TUBGCP4: variants seen among roughly 807,000 people sequenced by gnomAD.
TUBGCP4 encodes tubulin gamma complex component 4.
In TUBGCP4, 54 loss-of-function variants were observed where a neutral mutation model predicts 91.6. The ratio of observed to expected loss-of-function variants is 0.59; its 90% confidence interval spans 0.47 to 0.74. The LOEUF (loss-of-function observed/expected upper bound fraction) is 0.74. Among genes scored for constraint, TUBGCP4 ranks in the 30% least tolerant of loss-of-function variants. The pLI is 0.00. For synonymous variants in TUBGCP4, 297 were observed against 302.8 expected, an observed-to-expected ratio of 0.98 and a Z score of 0.20; for missense variants, 593 against 800.9, an observed-to-expected ratio of 0.74 and a Z score of 3.13.
chr15:43,394,055 A>G (rs1186086382), intron 9 of TUBGCP4: 3 of 149,866 alleles, frequency 2.0e-5, no homozygotes, highest in Non-Finnish European at 4.4e-5. Context: ...TCTTTAACAG[A>G]TATGTGACTT....
intron 9 of TUBGCP4, among the ~76,000 whole-genome samples, chr15:43,392,559 C>G (rs1595491876): frequency 1.3e-5 from 2 of 152,012 alleles, no homozygotes; most frequent in Admixed American, 6.6e-5. Context: ...AGTGCAGTGG[C>G]GTGATCTCGG....
Position 43,409,662 on chromosome 15 carries a change from A to C in TUBGCP4, c.*4448A>C, listed in dbSNP as rs1415885856. On this transcript the variant is annotated 3_prime_UTR_variant, in exon 18 of 18. Transcript: ENST00000564079. The stretch of plus-strand genomic sequence containing the variant: ...AACTCCTCACCTGGGCTTCATTGAA[A>C]TCTTCAAGGATATAGCCAGCTCCTG... 6.5e-7 allele frequency: 1 copy of C among 1,548,804 alleles called. No individual in the cohort carries two copies. Among genetic ancestry groups the C allele is most frequent in the Non-Finnish European group, 8.7e-7 (1 of 1,148,686 alleles).
intron 13 of TUBGCP4, chr15:43,399,165 C>T (rs1288403347): frequency 8.0e-7 from 1 of 1,245,486 alleles, no homozygotes; most frequent in South Asian, 1.3e-5. Context: ...GCAAGCCTAC[C>T]TACAAACAGG....
intron 6 of TUBGCP4, among the ~76,000 whole-genome samples, chr15:43,381,601 G>A (rs2044286363): frequency 2.0e-5 from 3 of 151,948 alleles, no homozygotes; most frequent in Non-Finnish European, 4.4e-5. Context: ...GCCAGGTGTG[G>A]TGCCTGCCTG....
chr15:43,380,028 G>A (rs182168197), intron 5 of TUBGCP4, 56 bp from the exon 6 acceptor site: 22 of 1,536,868 alleles, frequency 1.4e-5, no homozygotes, highest in Non-Finnish European at 2.0e-5. Flanking sequence ...ATAAGAATGT[G>A]TCTTGCATGG....
chr15:43,377,354 G>T (rs1284077905), intron 4 of TUBGCP4, among the ~76,000 whole-genome samples: 1 of 152,114 alleles, frequency 6.6e-6, no homozygotes, highest in African/African-American at 2.4e-5. Flanking sequence ...TGGGCATGGT[G>T]GTACACACCT....
At chr15:43,390,566 T>C (rs1475157535) in intron 9 of TUBGCP4, among the ~76,000 whole-genome samples, 2 of 150,812 alleles carry the variant, frequency 1.3e-5, no homozygotes, top group South Asian at 4.2e-4. Flanking sequence ...CTGGAGTGTA[T>C]TGATGCAATC....
At position 43,398,151 on chromosome 15, in the gene TUBGCP4, A is replaced by C; in HGVS notation, c.1390A>C (p.Ile464Leu). The C allele has an allele frequency of 1.9e-6, 3 of 1,613,582 alleles. No homozygotes were observed. Among genetic ancestry groups the C allele is most frequent in the Non-Finnish European group, 2.5e-6 (3 of 1,179,700 alleles). The change falls in exon 13 of 18, where the codon ATT (isoleucine) becomes CTT (leucine). Residue 464 changes from isoleucine (I) to leucine (L), a missense_variant. Transcript: ENST00000564079. ...CTACAAAGTACAGTGGCCACTACAT[A>C]TTCTCTTCACCCCAGCTGTCCTGGA... ...LSYKVQWPLH[I>L]LFTPAVLEKY... is the part of the protein sequence containing the mutation.
In TUBGCP4 at chr15:43,371,151, C is replaced by G. The variant is rs989196007; in HGVS notation, c.-204C>G. On this transcript the variant is annotated 5_prime_UTR_variant, in exon 1 of 18. Transcript: ENST00000564079. ...TAGCTGGTGGACCCCGTTGAGCTGC[C>G]GAACTTCCGGGACTCCCCCGCGACC... 10 of 616,468 alleles carry G rather than the reference C, an allele frequency of 1.6e-5. No homozygotes were observed. Among genetic ancestry groups the G allele is most frequent in the Non-Finnish European group, 2.9e-5 (10 of 344,830 alleles). 38.2% of individuals were successfully genotyped at this position (616,468 alleles called of 1,614,324 possible).
rs983909458 is a variant in TUBGCP4, at chr15:43,404,810, G to T, written c.1988+258G>T. On this transcript the variant is annotated intron_variant, in intron 17 of 17. Coordinates refer to ENST00000564079, the MANE Select transcript of TUBGCP4 (RefSeq NM_014444.5). ...TTGCTAGGTTATGTATTGCTATGCT[G>T]GGAGGCAGTGGGCCTTCCACTCCCA... 1.0e-5 allele frequency: 5 copies of T among 494,212 alleles called. No homozygotes were observed. The South Asian group carries it at 1.4e-4, about 14-fold the overall frequency. 30.6% of individuals were successfully genotyped at this position (494,212 alleles called of 1,614,324 possible).
chr15:43,380,081 C>T lies in TUBGCP4; in HGVS notation c.442-3C>T. Reference sequence around the variant, plus strand: ...CAGTTTGACAAGGCCGTATTTTCCACAGATTCATGGTTGTCAAATCCTGGA... The same window carrying T: ...CAGTTTGACAAGGCCGTATTTTCCATAGATTCATGGTTGTCAAATCCTGGA... On this transcript the variant is annotated splice_polypyrimidine_tract_variant and splice_region_variant and intron_variant, in intron 5 of 17. Transcript: ENST00000564079. 6.2e-7 allele frequency: 1 copy of T among 1,613,992 alleles called. No homozygotes were observed. Among genetic ancestry groups the T allele is most frequent in the Non-Finnish European group, 8.5e-7 (1 of 1,179,874 alleles).
intron 13 of TUBGCP4, chr15:43,398,382 T>TAAAAA: frequency 7.2e-6 from 2 of 276,620 alleles, no homozygotes; most frequent in South Asian, 1.3e-4. Context: ...CCCCATCTCA[T>TAAAAA]AAAAAAAAAA....
At chr15:43,373,698 G>GAC (rs377294711) in intron 1 of TUBGCP4, among the ~76,000 whole-genome samples, 1 of 150,866 alleles carries the variant, frequency 6.6e-6, no homozygotes, top group African/African-American at 2.4e-5. Flanking sequence ...GCCCAGGCTG[G>GAC]AGTGCAGTGG....
rs1046833070 is a variant in TUBGCP4 at position 43,377,715 on chromosome 15, G to C, written c.385-132G>C. On this transcript the variant is annotated intron_variant, in intron 4 of 17. Transcript: ENST00000564079. ...CCACATCAAATTGCCTTAGGATGCT[G>C]GATCTTGACTGTTCTGTGGTATTGC... is the stretch of plus-strand genomic sequence containing the variant. The C allele has an allele frequency of 8.5e-6, 6 of 705,512 alleles. No homozygotes were observed. The African/African-American group carries it at 1.1e-4, about 13-fold the overall frequency. The allele number at this position is 705,512 out of a possible 1,614,324, so 43.7% of individuals were successfully genotyped here.
intron 1 of TUBGCP4, among the ~76,000 whole-genome samples, chr15:43,374,725 C>A (rs2044177457): frequency 6.6e-6 from 1 of 152,140 alleles, no homozygotes; most frequent in South Asian, 2.1e-4. Flanking sequence ...CCCGTGTTCA[C>A]CAAGCATTAT....
chr15:43,403,556 T>G, intron 15 of TUBGCP4, 127 bp from the exon 16 acceptor site: 1 of 710,582 alleles, frequency 1.4e-6, no homozygotes. Flanking sequence ...TGGCAGTGTC[T>G]ATCCTGTCAG....
intron 2 of TUBGCP4, 83 bp downstream of exon 2, chr15:43,376,309 T>C: frequency 6.2e-7 from 1 of 1,605,260 alleles, no homozygotes; most frequent in Non-Finnish European, 8.5e-7. Flanking sequence ...AGGAGCTATG[T>C]CAAGCTTTCA....
chr15:43,398,387 A>G, intron 13 of TUBGCP4: 1 of 409,954 alleles, frequency 2.4e-6, no homozygotes, highest in Non-Finnish European at 4.2e-6. Context: ...TCTCATAAAA[A>G]AAAAAAAAAA....
In TUBGCP4 at chr15:43,383,616, A is replaced by G. The variant is rs898859990; in HGVS notation, c.723+112A>G. On this transcript the variant is annotated intron_variant, in intron 7 of 17. Coordinates refer to ENST00000564079, the MANE Select transcript of TUBGCP4 (RefSeq NM_014444.5). ...GCTCATAGCTGAGCACCTTCCATCA[A>G]TCCTTTCGATGTAAACATTCGGCTT... The G allele has an allele frequency of 4.5e-5, 37 of 820,006 alleles. 1 individual carries two copies. The highest frequency in any genetic ancestry group is 4.3e-4 in the South Asian group (18 of 41,594). 50.8% of individuals were successfully genotyped at this position (820,006 alleles called of 1,614,324 possible).
Sources: allele counts gnomAD v4.1 joint callset (sites outside exome capture counted in the v4.1 genomes callset), GRCh38; gene constraint gnomAD v4.1.1; transcripts MANE v1.5; gene names NCBI Gene and HGNC (gene_info 2026-07-23, HGNC 2026-07-21).